CAPN15: variants seen among roughly 807,000 people sequenced by gnomAD.
CAPN15 encodes the protein calpain-15.
A neutral mutation model predicts 97.9 loss-of-function variants in CAPN15; 53 were observed. The observed-to-expected ratio is 0.54, with a 90% CI of 0.43 to 0.68. The LOEUF is 0.68. CAPN15 is among the 30% of genes least tolerant of loss of function. CAPN15 has a pLI of 0.00. For missense variants in CAPN15, 1,592 were observed against 1,589.8 expected (o/e 1.00, Z -0.02); for synonymous variants, 922 against 722.5 (o/e 1.28, Z -4.43).
At chr16:550,281 C>T (rs961411909) in intron 7 of CAPN15, among the ~76,000 whole-genome samples, 1 of 152,242 alleles carries the variant, frequency 6.6e-6, no homozygotes, top group African/African-American at 2.4e-5. Flanking sequence ...CGGAGCCCTC[C>T]TCTCAGCTGA....
At chr16:541,240 A>G (rs1166135838) in intron 3 of CAPN15, among the ~76,000 whole-genome samples, 1 of 152,248 alleles carries the variant, frequency 6.6e-6, no homozygotes, top group Non-Finnish European at 1.5e-5. Flanking sequence ...GGTGGCATCC[A>G]CGCTGAGGCC....
At chr16:553,188 C>CCT (rs1555448505) in intron 13 of CAPN15, 147 bp downstream of exon 13, 2 of 520,018 alleles carry the variant, frequency 3.8e-6, no homozygotes, top group Admixed American at 3.5e-5. Flanking sequence ...ATGCCCCCCC[C>CCT]ACCCCTGCAG....
At chr16:539,620 T>A (rs2033973500) in intron 3 of CAPN15, 1 of 152,308 alleles carries the variant, frequency 6.6e-6, no homozygotes, top group South Asian at 2.1e-4. Flanking sequence ...GGCCTGGCTC[T>A]GTGGGTGCAC....
rs765154014 is a variant in CAPN15, at chr16:553,495, G to T, written c.3240G>T (p.Leu1080=). The T allele has an allele frequency of 1.2e-6, 2 of 1,609,324 alleles. No individual in the cohort carries two copies. The highest frequency in any genetic ancestry group is 1.7e-6 in the Non-Finnish European group (2 of 1,178,156). Residue 1080 remains leucine (L), a synonymous_variant, in exon 14 of 14, where the codon CTG becomes CTT. Transcript: ENST00000219611. ...CACTCACGCCAGAGGTCGCCGGTCT[G>T]CATGGGCCCCGACCGCTGTGACCAC... The part of the protein sequence containing the change: ...SPPLTPEVAG[L]HGPRPL
rs2142091168 is a variant in CAPN15, at chr16:553,552, A to T, written c.*36A>T. ...TGGGGCAGGGGCTGTGCACAGACGG[A>T]CCCCCCACCCCCACACGCACTTTAT... On this transcript the variant is annotated 3_prime_UTR_variant, in exon 14 of 14. Transcript: ENST00000219611. 1.7e-6 allele frequency: 2 copies of T among 1,207,508 alleles called. No individual in the cohort carries two copies. Among genetic ancestry groups the T allele is most frequent in the Non-Finnish European group, 2.3e-6 (2 of 876,120 alleles). The allele number at this position is 1,207,508 out of a possible 1,614,324, so 74.8% of individuals were successfully genotyped here.
In CAPN15 at chr16:551,672, C is replaced by A; in HGVS notation, c.2345+8C>A. 9 of 1,586,944 alleles carry A rather than the reference C, an allele frequency of 5.7e-6. No individual in the cohort carries two copies. The highest frequency in any genetic ancestry group is 7.7e-6 in the Non-Finnish European group (9 of 1,169,356). ...GTACGGCGACTTTGTCAGGTATCGG[C>A]ACCGTGGGGCGGTGTGCACGCCGCC... On this transcript the variant is annotated splice_region_variant and intron_variant, in intron 9 of 13. Coordinates refer to ENST00000219611, the MANE Select transcript of CAPN15 (RefSeq NM_005632.3).
chr16:548,910 G>T (rs777206938), intron 4 of CAPN15, 83 bp from the exon 5 acceptor site: 1 of 1,281,194 alleles, frequency 7.8e-7, no homozygotes, highest in African/African-American at 1.5e-5. Flanking sequence ...GCTTTTGGGC[G>T]CTCTCCTGGG....
chr16:547,672 G>A lies in CAPN15; in HGVS notation c.834G>A (p.Ser278=), dbSNP rs370282596. ...SAGCRGAPQG[S]GWAGASRLAE... The stretch of plus-strand genomic sequence containing the variant: ...GCTGCAGGGGAGCCCCCCAGGGCTC[G>A]GGCTGGGCTGGGGCCTCCCGCCTAG... Residue 278 remains serine (S), a synonymous_variant, in exon 4 of 14, where the codon TCG becomes TCA. Transcript: ENST00000219611. 2.4e-5 allele frequency: 38 copies of A among 1,583,004 alleles called. No homozygotes were observed. The highest frequency in any genetic ancestry group is 2.8e-5 in the Non-Finnish European group (33 of 1,163,762).
intron 7 of CAPN15, 113 bp from the exon 8 acceptor site, chr16:551,189 C>G: frequency 6.8e-7 from 1 of 1,463,354 alleles, no homozygotes; most frequent in Non-Finnish European, 9.0e-7. Context: ...GGTGAGGGCC[C>G]CGGTCGGTGA....
At chr16:536,748 A>G (rs1388144986) in intron 3 of CAPN15, 1 of 152,400 alleles carries the variant, frequency 6.6e-6, no homozygotes, top group Non-Finnish European at 1.5e-5. Context: ...GTAGCTGCTC[A>G]TCCTGTACTA....
chr16:552,627 C>T lies in CAPN15; in HGVS notation c.2760C>T (p.Val920=). Residue 920 remains valine, a synonymous_variant, in exon 12 of 14, where the codon GTC becomes GTT. Coordinates refer to ENST00000219611, the MANE Select transcript of CAPN15 (RefSeq NM_005632.3). This position sits in a 1 kb window ranked among gnomAD's most constrained non-coding sequence, Gnocchi z 6.4. ...TAGCCTCCAGCCCCTCGGCAGGGGT[C>T]CCGAGAGCCTCCCCAGAGCCGCCGG... is the stretch of plus-strand genomic sequence containing the variant. ...APQASSPSAG[V]PRASPEPPGH... is the part of the protein sequence containing the mutation. 6.5e-7 allele frequency: 1 copy of T among 1,537,140 alleles called. No homozygotes were observed. The highest frequency in any genetic ancestry group is 2.5e-5 in the East Asian group (1 of 40,764).
Position 549,653 on chromosome 16 carries a change from G to T in CAPN15, c.1881G>T (p.Lys627Asn). 6.4e-7 allele frequency: 1 copy of T among 1,557,964 alleles called. No homozygotes were observed. The highest frequency in any genetic ancestry group is 8.6e-7 in the Non-Finnish European group (1 of 1,156,606). ...AGCTGTGGGTGGCCCTCATCGAGAA[G>T]GCGCTGGCCAAGCTGCACGGCTCCT... ...RKQLWVALIEKALAKLHGSYF... is the reference protein window; with the variant it reads ...RKQLWVALIENALAKLHGSYF... Residue 627 changes from lysine (K) to asparagine (N), a missense_variant, in exon 7 of 14, where the codon AAG becomes AAT. Physicochemically the swap from Lys to Asn is moderately conservative, Grantham distance 94. Coordinates refer to ENST00000219611, the MANE Select transcript of CAPN15 (RefSeq NM_005632.3).
chr16:542,267 A>G (rs2034172284), intron 3 of CAPN15, among the ~76,000 whole-genome samples: 1 of 151,896 alleles, frequency 6.6e-6, no homozygotes. Flanking sequence ...TTTTGCGTGG[A>G]CCTGTTTTCA....
At chr16:536,410 C>T (rs1474871730) in intron 3 of CAPN15, among the ~76,000 whole-genome samples, 1 of 144,260 alleles carries the variant, frequency 6.9e-6, no homozygotes, top group African/African-American at 2.7e-5. Flanking sequence ...TCTAGGGGAA[C>T]GCGGGCTGGG....
chr16:528,787 G>C, intron 1 of CAPN15: 1 of 984,424 alleles, frequency 1.0e-6, no homozygotes, highest in Non-Finnish European at 1.2e-6. Context: ...TGTGGGGCCA[G>C]TGGGGAAGAC....
Position 549,391 on chromosome 16 carries a change from T to C in CAPN15, c.1762T>C (p.Cys588Arg), listed in dbSNP as rs753178456. The stretch of plus-strand genomic sequence containing the variant: ...AGAGGGCGCCTACCAGGTGCGGCTG[T>C]GCAAGGACGGCACGTGGACCACGGT... The part of the protein sequence containing the change: ...CAEGAYQVRL[C>R]KDGTWTTVLV... Residue 588 changes from cysteine to arginine, a missense_variant, in exon 6 of 14, where the codon TGC becomes CGC. Around this residue, in one of 3 missense-constraint regions of CAPN15, gnomAD observed 65 missense variants for 113.7 expected, o/e 0.57. Transcript: ENST00000219611. 6 of 1,598,546 alleles carry C rather than the reference T, an allele frequency of 3.8e-6. No individual in the cohort carries two copies. The highest frequency in any genetic ancestry group is 5.1e-6 in the Non-Finnish European group (6 of 1,178,612).
Position 549,081 on chromosome 16 carries a change from GGCA to G in CAPN15, c.1540_1542del (p.Gln514del). On this transcript the variant is annotated inframe_deletion, in exon 5 of 14. Coordinates refer to ENST00000219611, the MANE Select transcript of CAPN15 (RefSeq NM_005632.3). Reference sequence around the variant, plus strand: ...GGTGACAGCGTGCAGCAGCGTGTGAGGCAGTGGCTGCGACCCCAGGAGATCAAC... The same window carrying G: ...GGTGACAGCGTGCAGCAGCGTGTGAGGTGGCTGCGACCCCAGGAGATCAAC... 1 of 1,612,650 alleles carries G rather than the reference GGCA, an allele frequency of 6.2e-7. No individual in the cohort carries two copies. Among genetic ancestry groups the G allele is most frequent in the Non-Finnish European group, 8.5e-7 (1 of 1,179,932 alleles).
At position 536,138 on chromosome 16, in the gene CAPN15, G is replaced by A. The variant is rs965768005; in HGVS notation, c.-27G>A. ...CCTGAGGTGGGCCGGACCTGGGAGT[G>A]GCAGGTGAGCGTTCCTCCCAAGAGC... On this transcript the variant is annotated 5_prime_UTR_variant, in exon 3 of 14. Coordinates refer to ENST00000219611, the MANE Select transcript of CAPN15 (RefSeq NM_005632.3). 1.0e-5 allele frequency: 10 copies of A among 964,686 alleles called. No individual in the cohort carries two copies. The highest frequency in any genetic ancestry group is 1.2e-5 in the Non-Finnish European group (10 of 811,232). 59.8% of individuals were successfully genotyped at this position (964,686 alleles called of 1,614,324 possible).
intron 3 of CAPN15, among the ~76,000 whole-genome samples, chr16:542,590 CTTAT>C (rs1199560697): frequency 2.0e-5 from 3 of 152,124 alleles, no homozygotes; most frequent in African/African-American, 4.8e-5. Context: ...CATTCATTCA[CTTAT>C]TTATTTATTT....
Sources: allele counts gnomAD v4.1 joint callset (sites outside exome capture counted in the v4.1 genomes callset), GRCh38; gene constraint gnomAD v4.1.1; regional missense constraint gnomAD v4.1.1; non-coding constraint Gnocchi (gnomAD v3.1); transcripts MANE v1.5; gene names NCBI Gene and HGNC (gene_info 2026-07-23, HGNC 2026-07-21).